Variants in TFEB observed in about 807,000 individuals in gnomAD.
The protein encoded by TFEB is transcription factor EB, also known as T-cell transcription factor EB.
A neutral mutation model predicts 48.0 loss-of-function variants in TFEB; 12 were observed. The observed-to-expected ratio is 0.25, with a 90% confidence interval of 0.16 to 0.40. The LOEUF (loss-of-function observed/expected upper bound fraction) is 0.40, where lower values mean the gene tolerates loss of function less well. TFEB is among the 10% of genes least tolerant of loss of function. The pLI is 1.00. For missense variants in TFEB, 509 were observed against 640.3 expected, an observed-to-expected ratio of 0.79 and a Z score of 2.21; for synonymous variants, 244 against 261.4, an observed-to-expected ratio of 0.93 and a Z score of 0.64.
Position 41,735,508 on chromosome 6 carries a change from C to T in TFEB, c.-181G>A, listed in dbSNP as rs919701426. On this transcript the variant is annotated 5_prime_UTR_variant, in exon 1 of 9. Coordinates refer to ENST00000373033, the MANE Select transcript of TFEB (RefSeq NM_001271944.2). Reference sequence around the variant, plus strand: ...GGCCCGCCCCGTCCGCCCTTCCCGCCGCCGTCGGCGCCGCGGCCGCTCCCT... The same window carrying T: ...GGCCCGCCCCGTCCGCCCTTCCCGCTGCCGTCGGCGCCGCGGCCGCTCCCT... 9.1e-6 allele frequency: 9 copies of T among 984,094 alleles called. No homozygotes were observed. Among genetic ancestry groups the T allele is most frequent in the Non-Finnish European group, 1.1e-5 (9 of 829,646 alleles). The allele number at this position is 984,094 out of a possible 1,614,324, so 61.0% of individuals were successfully genotyped here. A position where few individuals can be genotyped will look rare whatever the true frequency, so the allele number is the denominator to read the frequency against.
rs748799545 is a variant in TFEB at position 41,685,045 on chromosome 6, G to A, written c.985C>T (p.Pro329Ser). The A allele has an allele frequency of 8.1e-6, 12 of 1,479,004 alleles. No individual in the cohort carries two copies. In the East Asian group the frequency reaches 3.0e-4, roughly 37 times the overall value. 91.6% of individuals were successfully genotyped at this position (1,479,004 alleles called of 1,614,324 possible). ...LEMQARVHGL[P>S]TTSPSGMNMA... ...TTCATGCCGGACGGGGAGGTGGTAGGGAGGCCGTGCACTCGAGCCTGCATC... is the reference window on the plus strand; with the variant it reads ...TTCATGCCGGACGGGGAGGTGGTAGAGAGGCCGTGCACTCGAGCCTGCATC... Residue 329 changes from proline to serine, a missense_variant, in exon 9 of 9, where the codon CCT becomes TCT. By Grantham distance (74) the Pro-to-Ser change is moderately conservative. Coordinates refer to ENST00000373033, the MANE Select transcript of TFEB (RefSeq NM_001271944.2).
At chr6:41,726,471 T>G (rs761850070) in intron 1 of TFEB, among the ~76,000 whole-genome samples, 17 of 151,516 alleles carry the variant, frequency 1.1e-4, no homozygotes, top group Non-Finnish European at 1.6e-4. Context: ...TTAGATGGAG[T>G]CTTGCTCTGT....
intron 1 of TFEB, among the ~76,000 whole-genome samples, chr6:41,699,853 C>G (rs1769802344): frequency 1.3e-5 from 2 of 152,200 alleles, no homozygotes. Context: ...ATGTTTTGGT[C>G]TTTTTCCCTT....
intron 1 of TFEB, among the ~76,000 whole-genome samples, chr6:41,726,495 G>A (rs1038657074): frequency 2.6e-5 from 4 of 151,972 alleles, no homozygotes; most frequent in African/African-American, 9.7e-5. Flanking sequence ...CCAGGCTGGA[G>A]TGCATTGATA....
chr6:41,696,763 G>T (rs9462738), intron 1 of TFEB, among the ~76,000 whole-genome samples: 45,860 of 152,116 alleles, frequency 0.3, 7,354 homozygotes, highest in Middle Eastern at 0.44. Flanking sequence ...ACAAAGCAAT[G>T]ACAGCAAATG....
intron 1 of TFEB, among the ~76,000 whole-genome samples, chr6:41,732,082 C>T (rs1276086360): frequency 1.3e-5 from 2 of 152,124 alleles, no homozygotes; most frequent in Non-Finnish European, 2.9e-5. Flanking sequence ...GTCCAGGTCT[C>T]GCTATGTTGC....
At chr6:41,733,351 T>A (rs1771529909) in intron 1 of TFEB, 1 of 156,534 alleles carries the variant, frequency 6.4e-6, no homozygotes, top group South Asian at 2.0e-4. Flanking sequence ...GGGTGTCCCC[T>A]GCCCTATCCC....
At chr6:41,699,033 G>T (rs891912586) in intron 1 of TFEB, among the ~76,000 whole-genome samples, 2 of 152,250 alleles carry the variant, frequency 1.3e-5, no homozygotes, top group Non-Finnish European at 2.9e-5. Context: ...ACTCCCAGGA[G>T]CCAGCAGTCC....
intron 1 of TFEB, chr6:41,733,430 G>C (rs1359750655): frequency 4.9e-6 from 1 of 203,292 alleles, no homozygotes; most frequent in Admixed American, 6.5e-5. Context: ...TCCCAGAGCT[G>C]AGTTGAGGAC....
intron 1 of TFEB, among the ~76,000 whole-genome samples, chr6:41,698,038 GA>G (rs61635662): frequency 5.0e-4 from 76 of 151,230 alleles, no homozygotes; most frequent in Non-Finnish European, 6.2e-4. Context: ...CTTTCTAATT[GA>G]AAAAAAAATA....
chr6:41,698,429 C>T (rs1769723963), intron 1 of TFEB, among the ~76,000 whole-genome samples: 1 of 152,090 alleles, frequency 6.6e-6, no homozygotes. Flanking sequence ...AGAGGGTGTC[C>T]GGGATGATGG....
At chr6:41,687,004 C>T (rs1043238838) in intron 7 of TFEB, 90 bp downstream of exon 7, 25 of 1,081,522 alleles carry the variant, frequency 2.3e-5, no homozygotes, top group Non-Finnish European at 3.4e-5. Flanking sequence ...TCCTCCCATC[C>T]TAGTAACTAG....
chr6:41,718,724 T>C (rs377524155), intron 1 of TFEB, among the ~76,000 whole-genome samples: 176 of 151,714 alleles, frequency 1.2e-3, no homozygotes, highest in African/African-American at 4.0e-3. Flanking sequence ...GCTTGACCTC[T>C]AAACCTTTCC....
At chr6:41,694,962 C>T (rs563856861) in intron 1 of TFEB, among the ~76,000 whole-genome samples, 2 of 152,302 alleles carry the variant, frequency 1.3e-5, no homozygotes, top group African/African-American at 4.8e-5. Context: ...TCAACACCCC[C>T]AGGACCCTCC....
chr6:41,685,744 G>A (rs1768965174), intron 8 of TFEB, among the ~76,000 whole-genome samples: 1 of 152,204 alleles, frequency 6.6e-6, no homozygotes, highest in Non-Finnish European at 1.5e-5. Context: ...TACTTGTAGA[G>A]TGTGCTTGCA....
At chr6:41,716,671 C>A (rs966455474) in intron 1 of TFEB, among the ~76,000 whole-genome samples, 1 of 152,154 alleles carries the variant, frequency 6.6e-6, no homozygotes, top group Non-Finnish European at 1.5e-5. Flanking sequence ...GCCCCTGCCA[C>A]CCCCACCCCC....
chr6:41,707,131 C>A (rs1009993955), intron 1 of TFEB, among the ~76,000 whole-genome samples: 1 of 152,182 alleles, frequency 6.6e-6, no homozygotes, highest in Non-Finnish European at 1.5e-5. Flanking sequence ...TACACCTTCT[C>A]CCTGGACCCA....
At chr6:41,717,696 A>G (rs1770798220) in intron 1 of TFEB, among the ~76,000 whole-genome samples, 1 of 152,084 alleles carries the variant, frequency 6.6e-6, no homozygotes, top group African/African-American at 2.4e-5. Context: ...GGGCCAGAAA[A>G]AGGTAAGGAG....
chr6:41,688,407 C>T (rs549794773), intron 4 of TFEB, among the ~76,000 whole-genome samples: 5 of 152,006 alleles, frequency 3.3e-5, no homozygotes, highest in South Asian at 2.1e-4. Context: ...CAAGGCACTC[C>T]GGGCAGCCAC....
Sources: gnomAD v4.1 joint callset for allele counts (sites outside exome capture counted in the v4.1 genomes callset) on GRCh38, gnomAD v4.1.1 for gene constraint, MANE v1.5 for transcripts, NCBI Gene and HGNC (gene_info 2026-07-23, HGNC 2026-07-21) for gene names.